DLG2: variants seen among roughly 807,000 people sequenced by gnomAD.
DLG2 encodes the protein disks large homolog 2.
A neutral mutation model predicts 132.5 loss-of-function variants in DLG2; 45 were observed. The ratio of observed to expected loss-of-function variants is 0.34; its 90% CI spans 0.27 to 0.44. The LOEUF (loss-of-function observed/expected upper bound fraction) is 0.44, where lower values mean the gene tolerates loss of function less well. Among genes scored for constraint, DLG2 ranks in the 20% least tolerant of loss-of-function variants. The pLI is 1.00. For missense variants in DLG2, 1,045 were observed against 1,196.9 expected, an observed-to-expected ratio of 0.87 and a Z score of 1.87; for synonymous variants, 424 against 419.6, an observed-to-expected ratio of 1.01 and a Z score of -0.13.
At chr11:83,843,786 A>G (rs912174243) in intron 16 of DLG2, among the ~76,000 whole-genome samples, 3 of 152,186 alleles carry the variant, frequency 2.0e-5, no homozygotes, top group Non-Finnish European at 4.4e-5. Context: ...CAATGAACTA[A>G]AGGCATCTAG....
chr11:85,004,757 T>C (rs1380040966), intron 6 of DLG2, among the ~76,000 whole-genome samples: 1 of 152,214 alleles, frequency 6.6e-6, no homozygotes, highest in Non-Finnish European at 1.5e-5. Context: ...ATTTTGGCTT[T>C]TATTGCCATT....
At chr11:84,457,702 C>T (rs1037237495) in intron 7 of DLG2, among the ~76,000 whole-genome samples, 2 of 150,864 alleles carry the variant, frequency 1.3e-5, no homozygotes, top group African/African-American at 4.8e-5. Context: ...ATTTCATAAC[C>T]TCAGTTTTAT....
chr11:84,304,535 G>A (rs567354106), intron 7 of DLG2, among the ~76,000 whole-genome samples: 8 of 152,258 alleles, frequency 5.3e-5, no homozygotes, highest in Admixed American at 3.9e-4. Context: ...TTTCTTTAAC[G>A]GGTTGGATAA....
At chr11:85,044,176 A>G (rs1038550887) in intron 6 of DLG2, among the ~76,000 whole-genome samples, 2 of 151,878 alleles carry the variant, frequency 1.3e-5, no homozygotes, top group Non-Finnish European at 2.9e-5. Flanking sequence ...TCTACTACAG[A>G]GTTTCCTTTT....
intron 3 of DLG2, among the ~76,000 whole-genome samples, chr11:85,313,548 A>G (rs929195153): frequency 6.6e-6 from 1 of 152,082 alleles, no homozygotes; most frequent in African/African-American, 2.4e-5. Flanking sequence ...AACATAGTCT[A>G]TATCCAATAG....
chr11:84,904,894 T>C (rs927900521), intron 6 of DLG2, among the ~76,000 whole-genome samples: 4 of 152,154 alleles, frequency 2.6e-5, no homozygotes, highest in Non-Finnish European at 4.4e-5. Context: ...GTAATGTATA[T>C]CTCTATAAAG....
At chr11:85,624,164 G>C (rs908791406) in intron 2 of DLG2, among the ~76,000 whole-genome samples, 6 of 152,186 alleles carry the variant, frequency 3.9e-5, no homozygotes, top group African/African-American at 1.2e-4. Context: ...AGAAAGTAAT[G>C]TCATAAAGCA....
intron 6 of DLG2, among the ~76,000 whole-genome samples, chr11:85,077,800 C>T (rs1337850949): frequency 1.3e-5 from 2 of 151,952 alleles, no homozygotes; most frequent in African/African-American, 4.8e-5. Context: ...TAGACCAGTT[C>T]TTGGCTTACA....
intron 12 of DLG2, among the ~76,000 whole-genome samples, chr11:83,975,059 G>C (rs2091994991): frequency 6.6e-6 from 1 of 152,014 alleles, no homozygotes; most frequent in Non-Finnish European, 1.5e-5. Context: ...AATAACTAAT[G>C]CTGTCCCTGC....
At chr11:83,594,817 GTGGGC>G (rs1171014702) in intron 19 of DLG2, among the ~76,000 whole-genome samples, 1 of 152,172 alleles carries the variant, frequency 6.6e-6, no homozygotes, top group Admixed American at 6.5e-5. Context: ...GCAAAAGCAA[GTGGGC>G]TCCCACTCGT....
intron 14 of DLG2, among the ~76,000 whole-genome samples, chr11:83,941,398 AT>A (rs202073214): frequency 2.4e-4 from 35 of 147,424 alleles, no homozygotes; most frequent in Admixed American, 4.8e-4. Context: ...TATTTAATTA[AT>A]TTTTTTTTTT....
intron 9 of DLG2, among the ~76,000 whole-genome samples, chr11:84,150,027 G>T (rs1209080253): frequency 6.6e-6 from 1 of 152,068 alleles, no homozygotes; most frequent in Non-Finnish European, 1.5e-5. Flanking sequence ...AACTGCTGGG[G>T]TTACAGGTGT....
chr11:84,169,894 A>G (rs2095779458), intron 8 of DLG2, among the ~76,000 whole-genome samples: 1 of 151,580 alleles, frequency 6.6e-6, no homozygotes, highest in African/African-American at 2.4e-5. Flanking sequence ...AAAAATCTCA[A>G]CTAAACTTTC....
At chr11:83,566,342 C>T (rs1253724468) in intron 19 of DLG2, among the ~76,000 whole-genome samples, 1 of 152,122 alleles carries the variant, frequency 6.6e-6, no homozygotes, top group East Asian at 1.9e-4. Context: ...CCACTGAATT[C>T]CCGAATTCTG....
chr11:84,593,045 G>A (rs1565397349), intron 6 of DLG2, among the ~76,000 whole-genome samples: 3 of 147,794 alleles, frequency 2.0e-5, no homozygotes, highest in Admixed American at 1.4e-4. Context: ...CTTGAACCCA[G>A]GAGATGGAGG....
chr11:84,287,741 GACACACACACACACACACAC>G (rs373708341), intron 7 of DLG2, among the ~76,000 whole-genome samples: 1 of 139,190 alleles, frequency 7.2e-6, no homozygotes, highest in Non-Finnish European at 1.5e-5. Flanking sequence ...CTCTCTCTTA[GACACACACACACACACACAC>G]ACACACACAC....
At chr11:84,838,864 T>A (rs531567274) in intron 6 of DLG2, among the ~76,000 whole-genome samples, 1 of 152,164 alleles carries the variant, frequency 6.6e-6, no homozygotes, top group African/African-American at 2.4e-5. Context: ...GAGCTATGTA[T>A]GACAAACCCA....
intron 6 of DLG2, among the ~76,000 whole-genome samples, chr11:84,751,172 T>A (rs189867664): frequency 4.9e-4 from 74 of 152,166 alleles, no homozygotes; most frequent in East Asian, 4.7e-3. Flanking sequence ...TATACAGACT[T>A]AAAGTTCCAA....
chr11:84,625,361 C>T (rs541175554), intron 6 of DLG2, among the ~76,000 whole-genome samples: 24 of 152,088 alleles, frequency 1.6e-4, no homozygotes, highest in African/African-American at 4.1e-4. Context: ...ACCAAGTGGC[C>T]GCTCCATTTC....
Sources: gnomAD v4.1 joint callset for allele counts (sites outside exome capture counted in the v4.1 genomes callset) on GRCh38, gnomAD v4.1.1 for gene constraint, MANE v1.5 for transcripts, NCBI Gene and HGNC (gene_info 2026-07-23, HGNC 2026-07-21) for gene names.